Variants in MSRA observed in about 807,000 individuals in gnomAD.
The protein encoded by MSRA is methionine sulfoxide reductase A.
MSRA carries 54 observed loss-of-function variants against 31.3 expected under a neutral mutation model. That is an observed-to-expected ratio of 1.73 (90% CI 1.39 to 2.17). The LOEUF (loss-of-function observed/expected upper bound fraction) is 2.17, where lower values mean the gene tolerates loss of function less well. MSRA is among the 30% of genes most tolerant of loss of function. The probability of loss-of-function intolerance (pLI) is 0.00; values close to 1 mark genes in which losing one functional copy is unlikely to be tolerated. For missense variants in MSRA, 507 were observed against 300.9 expected (o/e 1.69, Z -5.07); for synonymous variants, 169 against 116.5 (o/e 1.45, Z -2.90).
At chr8:10,092,538 G>C (rs1247994929) in intron 1 of MSRA, among the ~76,000 whole-genome samples, 3 of 152,020 alleles carry the variant, frequency 2.0e-5, no homozygotes, top group Admixed American at 1.3e-4. Context: ...CACGCCTTTA[G>C]TCCCAGCTAC....
intron 5 of MSRA, among the ~76,000 whole-genome samples, chr8:10,350,267 G>T (rs1804043638): frequency 6.6e-6 from 1 of 152,248 alleles, no homozygotes; most frequent in South Asian, 2.1e-4. Context: ...CGCAGTTACT[G>T]CATCTTTGAG....
intron 1 of MSRA, among the ~76,000 whole-genome samples, chr8:10,090,828 T>C (rs1798815765): frequency 6.6e-6 from 1 of 152,220 alleles, no homozygotes; most frequent in Non-Finnish European, 1.5e-5. Flanking sequence ...AGCATACTTT[T>C]TTCAAAGGCC....
At chr8:10,073,453 A>T (rs989945873) in intron 1 of MSRA, among the ~76,000 whole-genome samples, 1 of 152,224 alleles carries the variant, frequency 6.6e-6, no homozygotes, top group Non-Finnish European at 1.5e-5. Context: ...TAGTGACCAT[A>T]TGACCCTCAA....
chr8:10,370,312 C>T (rs1805404973), intron 5 of MSRA, among the ~76,000 whole-genome samples: 1 of 152,188 alleles, frequency 6.6e-6, no homozygotes, highest in Non-Finnish European at 1.5e-5. Context: ...CATGCTTCTC[C>T]CACTACCAGA....
intron 1 of MSRA, among the ~76,000 whole-genome samples, chr8:10,194,215 A>T (rs555643461): frequency 8.5e-5 from 13 of 152,272 alleles, no homozygotes; most frequent in African/African-American, 3.1e-4. Context: ...ATAATCTTTT[A>T]TTTCTATCCA....
intron 3 of MSRA, among the ~76,000 whole-genome samples, chr8:10,268,912 C>G (rs553564785): frequency 1.2e-4 from 18 of 152,328 alleles, no homozygotes; most frequent in Non-Finnish European, 2.5e-4. Flanking sequence ...TAGTGGTAAC[C>G]TTTTCCCACC....
At chr8:10,328,386 T>C (rs1414761605) in intron 5 of MSRA, among the ~76,000 whole-genome samples, 1 of 151,906 alleles carries the variant, frequency 6.6e-6, no homozygotes, top group Non-Finnish European at 1.5e-5. Flanking sequence ...TAACAGATTC[T>C]ACCTCCAAAA....
intron 1 of MSRA, among the ~76,000 whole-genome samples, chr8:10,127,917 C>A (rs750191343): frequency 1.3e-5 from 2 of 151,614 alleles, no homozygotes; most frequent in Non-Finnish European, 2.9e-5. Context: ...GGGGTGGTTT[C>A]TTTGTGTACG....
intron 5 of MSRA, among the ~76,000 whole-genome samples, chr8:10,363,779 C>CACACACACACACACACACACACACAG (rs1805000433): frequency 6.6e-6 from 1 of 151,030 alleles, no homozygotes; most frequent in South Asian, 2.1e-4. Context: ...CACACACACA[C>CACACACACACACACACACACACACAG]TAGCTGGTTG....
intron 3 of MSRA, among the ~76,000 whole-genome samples, chr8:10,293,243 G>C (rs557294535): frequency 3.3e-5 from 5 of 152,278 alleles, no homozygotes; most frequent in Non-Finnish European, 5.9e-5. Context: ...CCATCCCTAT[G>C]ATGGGCCAGC....
chr8:10,319,397 T>A (rs1801914264), intron 4 of MSRA, among the ~76,000 whole-genome samples: 1 of 152,126 alleles, frequency 6.6e-6, no homozygotes, highest in African/African-American at 2.4e-5. Context: ...GGTAGGTGAC[T>A]TTAGTCATAG....
rs12680200 is a variant in MSRA at position 10,101,852 on chromosome 8, T to G, written c.142+47194T>G. 2.6e-5 allele frequency among the ~76,000 whole-genome samples: 4 copies of G among 152,240 alleles called. No homozygotes were observed. In the East Asian group the frequency reaches 5.8e-4, roughly 22 times the overall value. ...TGAATAATGGTGCTATGAACATGAG[T>G]GCACAGATATCTCTTTGAGCTCCTG... On this transcript the variant is annotated intron_variant, in intron 1 of 5. Coordinates refer to ENST00000317173, the MANE Select transcript of MSRA (RefSeq NM_012331.5).
chr8:10,252,663 C>A (rs1563271799), intron 3 of MSRA, among the ~76,000 whole-genome samples: 1 of 152,182 alleles, frequency 6.6e-6, no homozygotes, highest in African/African-American at 2.4e-5. Context: ...TGGGGACTGC[C>A]TGGGCCTGCA....
Position 10,085,366 on chromosome 8 carries a change from A to C in MSRA, c.142+30708A>C, listed in dbSNP as rs143735670. 4.0e-3 allele frequency among the ~76,000 whole-genome samples: 613 copies of C among 152,270 alleles called. 2 individuals carry two copies. Among genetic ancestry groups the C allele is most frequent in the Admixed American group, 9.2e-3 (140 of 15,296 alleles). On this transcript the variant is annotated intron_variant, in intron 1 of 5. Transcript: ENST00000317173. ...GGCTCCAGGCCTCTCTTCTTCCTCC[A>C]AACTTTGTCGTGCTCAAGAAAGTGC...
At chr8:10,349,751 T>C (rs917861041) in intron 5 of MSRA, among the ~76,000 whole-genome samples, 3 of 152,252 alleles carry the variant, frequency 2.0e-5, no homozygotes, top group Admixed American at 2.0e-4. Flanking sequence ...TGAGGCTCTT[T>C]TAGGTCTAAG....
intron 4 of MSRA, among the ~76,000 whole-genome samples, chr8:10,316,567 T>TCTCTCTCC (rs1563342492): frequency 1.4e-5 from 2 of 145,122 alleles, no homozygotes; most frequent in South Asian, 2.3e-4. Context: ...TCTCTCTCTC[T>TCTCTCTCC]CTCTCTCCTT....
chr8:10,105,310 T>G (rs1799810325), intron 1 of MSRA, among the ~76,000 whole-genome samples: 1 of 152,226 alleles, frequency 6.6e-6, no homozygotes, highest in African/African-American at 2.4e-5. Flanking sequence ...TAATACATGC[T>G]TACAATCCAT....
chr8:10,170,710 G>C (rs1055116418), intron 1 of MSRA, among the ~76,000 whole-genome samples: 3 of 152,258 alleles, frequency 2.0e-5, no homozygotes, highest in African/African-American at 7.2e-5. Context: ...TTTTATGTCA[G>C]GGACTTGGGC....
intron 1 of MSRA, among the ~76,000 whole-genome samples, chr8:10,147,766 C>G (rs955344890): frequency 3.3e-5 from 5 of 152,190 alleles, no homozygotes; most frequent in Admixed American, 6.5e-5. Flanking sequence ...CCTGCATTCT[C>G]CTAGCATCTG....
Sources: allele counts gnomAD v4.1 joint callset (sites outside exome capture counted in the v4.1 genomes callset), GRCh38; gene constraint gnomAD v4.1.1; transcripts MANE v1.5; gene names NCBI Gene and HGNC (gene_info 2026-07-23, HGNC 2026-07-21).